The following NEMF variants were observed in gnomAD, a reference collection of about 807,000 sequenced individuals.
The protein encoded by NEMF is ribosome quality control complex subunit NEMF.
NEMF carries 89 observed loss-of-function variants against 162.2 expected under a neutral mutation model. That is an observed-to-expected ratio of 0.55 (90% CI 0.46 to 0.65). NEMF has a LOEUF of 0.65. NEMF is among the 30% of genes least tolerant of loss of function. The pLI is 0.00. For missense variants in NEMF, 1,133 were observed against 1,261.9 expected, an observed-to-expected ratio of 0.90 and a Z score of 1.55; for synonymous variants, 421 against 404.5, an observed-to-expected ratio of 1.04 and a Z score of -0.49.
chr14:49,788,446 T>C (rs1890282477), intron 28 of NEMF, among the ~76,000 whole-genome samples: 1 of 152,108 alleles, frequency 6.6e-6, no homozygotes, highest in Non-Finnish European at 1.5e-5. Flanking sequence ...AATGGTGTAC[T>C]CATTTTCAAC....
intron 15 of NEMF, among the ~76,000 whole-genome samples, chr14:49,827,070 G>A (rs1892389354): frequency 6.6e-6 from 1 of 152,202 alleles, no homozygotes; most frequent in Admixed American, 6.5e-5. Flanking sequence ...GAATGCAGGT[G>A]TTGAGGTCAG....
At position 49,833,512 on chromosome 14, in the gene NEMF, A is replaced by G. The variant is rs200062011; in HGVS notation, c.662-16T>C. 4.0e-6 allele frequency: 6 copies of G among 1,517,896 alleles called. No individual in the cohort carries two copies. Among genetic ancestry groups the G allele is most frequent in the East Asian group, 2.3e-5 (1 of 43,880 alleles). 94.0% of individuals were successfully genotyped at this position (1,517,896 alleles called of 1,614,324 possible). A position where few individuals can be genotyped will look rare whatever the true frequency, so the allele number is the denominator to read the frequency against. ...TTTTCAATATCTAATGGTGGGGGAAAAAAAGGAAAAAAGGAGTGCCAATCA... is the reference window on the plus strand; with the variant it reads ...TTTTCAATATCTAATGGTGGGGGAAGAAAAGGAAAAAAGGAGTGCCAATCA... On this transcript the variant is annotated splice_polypyrimidine_tract_variant and intron_variant, in intron 7 of 32. Coordinates refer to ENST00000298310, the MANE Select transcript of NEMF (RefSeq NM_004713.6).
At chr14:49,831,446 CT>C (rs1238745730) in intron 10 of NEMF, 85 bp from the exon 11 acceptor site, 463 of 637,710 alleles carry the variant, frequency 7.3e-4, no homozygotes, top group Middle Eastern at 1.3e-3. Flanking sequence ...TTTTTTTTTT[CT>C]TTTTTTTTGA....
intron 7 of NEMF, chr14:49,834,021 G>A: frequency 2.4e-6 from 1 of 410,476 alleles, no homozygotes; most frequent in South Asian, 2.0e-5. Context: ...CACTGATTTA[G>A]TATATTGCAG....
intron 3 of NEMF, among the ~76,000 whole-genome samples, chr14:49,850,084 G>A (rs1893697070): frequency 6.6e-6 from 1 of 152,106 alleles, no homozygotes; most frequent in African/African-American, 2.4e-5. Flanking sequence ...GTTCTAATAT[G>A]TGTCAGGTAT....
intron 18 of NEMF, among the ~76,000 whole-genome samples, chr14:49,806,416 A>G (rs1405487310): frequency 6.7e-6 from 1 of 149,500 alleles, no homozygotes; most frequent in Non-Finnish European, 1.5e-5. Context: ...GCCCGCCACC[A>G]TGCCCGGCTA....
At chr14:49,797,124 G>C (rs537708207) in intron 25 of NEMF, among the ~76,000 whole-genome samples, 1 of 152,152 alleles carries the variant, frequency 6.6e-6, no homozygotes, top group Non-Finnish European at 1.5e-5. Context: ...TGTATACTCA[G>C]TAAGTATCTA....
At chr14:49,842,588 A>T (rs1229982862) in intron 4 of NEMF, among the ~76,000 whole-genome samples, 1 of 152,260 alleles carries the variant, frequency 6.6e-6, no homozygotes, top group Non-Finnish European at 1.5e-5. Flanking sequence ...ATAGTCACAG[A>T]ATACGGTGGG....
chr14:49,849,268 G>GA (rs1893659778), intron 3 of NEMF, among the ~76,000 whole-genome samples: 1 of 152,158 alleles, frequency 6.6e-6, no homozygotes, highest in African/African-American at 2.4e-5. Context: ...AGGCATCATT[G>GA]AAAGGACAGA....
chr14:49,786,924 T>C (rs1890205362), intron 28 of NEMF, 174 bp from the exon 29 acceptor site: 1 of 572,400 alleles, frequency 1.7e-6, no homozygotes, highest in Non-Finnish European at 3.1e-6. Context: ...GATTCGTATA[T>C]GTGTTTGTGT....
At chr14:49,820,075 C>G (rs949617351) in intron 16 of NEMF, 2 of 179,130 alleles carry the variant, frequency 1.1e-5, no homozygotes, top group African/African-American at 4.8e-5. Context: ...CCTCAGCCAC[C>G]CGAGTAGCTT....
At chr14:49,838,079 A>G in intron 6 of NEMF, 60 bp downstream of exon 6, 1 of 1,287,114 alleles carries the variant, frequency 7.8e-7, no homozygotes, top group Non-Finnish European at 1.1e-6. Context: ...AGATTTCAAT[A>G]TATTCCTGAA....
chr14:49,836,276 C>T (rs1323176676), intron 6 of NEMF, among the ~76,000 whole-genome samples: 1 of 151,598 alleles, frequency 6.6e-6, no homozygotes, highest in African/African-American at 2.4e-5. Context: ...GAGATTGTCT[C>T]AAATAATAGT....
At chr14:49,796,142 A>G (rs1308192679) in intron 25 of NEMF, 198 bp from the exon 26 acceptor site, 5 of 610,134 alleles carry the variant, frequency 8.2e-6, no homozygotes, top group Non-Finnish European at 1.2e-5. Context: ...TTCATCTCTC[A>G]TGGATTTATC....
rs1197231795 is a variant in NEMF, at chr14:49,799,637, G to A, written c.2414C>T (p.Ser805Phe). Reference protein sequence around the residue: ...KLASKEESSNSSDSKSQSRRH... With the variant: ...KLASKEESSNFSDSKSQSRRH... ...TTCATAAAACTGAAAATAGCTTACAGAATTAGAAGATTCCTCTTTTGAAGC... is the reference window on the plus strand; with the variant it reads ...TTCATAAAACTGAAAATAGCTTACAAAATTAGAAGATTCCTCTTTTGAAGC... The change falls in exon 24 of 33, where the codon TCT (serine) becomes TTT (phenylalanine). Residue 805 changes from serine to phenylalanine, a missense_variant and splice_region_variant. Physicochemically the swap from Ser to Phe is radical, Grantham distance 155 (BLOSUM62 -2). Transcript: ENST00000298310. 6.2e-7 allele frequency: 1 copy of A among 1,610,266 alleles called. No homozygotes were observed. The highest frequency in any genetic ancestry group is 1.1e-5 in the South Asian group (1 of 89,982).
intron 22 of NEMF, among the ~76,000 whole-genome samples, chr14:49,801,853 A>T (rs1460521283): frequency 4.6e-5 from 7 of 152,164 alleles, no homozygotes; most frequent in African/African-American, 1.4e-4. Flanking sequence ...CATTTACCCG[A>T]GTCTACCTTT....
Position 49,783,528 on chromosome 14 carries a change from A to G in NEMF, c.*1108T>C, listed in dbSNP as rs1185854831. On this transcript the variant is annotated 3_prime_UTR_variant, in exon 33 of 33. Coordinates refer to ENST00000298310, the MANE Select transcript of NEMF (RefSeq NM_004713.6). Reference sequence around the variant, plus strand: ...CAGGCAGGTGCTGTCCAGTCAATTAAAAAGTTTTTTTTTAATTAATAGGTT... The same window carrying G: ...CAGGCAGGTGCTGTCCAGTCAATTAGAAAGTTTTTTTTTAATTAATAGGTT... 1 of 152,132 alleles carries G rather than the reference A, an allele frequency of 6.6e-6. No individual in the cohort carries two copies. The highest frequency in any genetic ancestry group is 2.4e-5 in the African/African-American group (1 of 41,432). The allele number at this position is 152,132 out of a possible 1,614,324, so 9.4% of individuals were successfully genotyped here. A position where few individuals can be genotyped will look rare whatever the true frequency, so the allele number is the denominator to read the frequency against.
intron 16 of NEMF, among the ~76,000 whole-genome samples, chr14:49,822,867 T>C (rs545641211): frequency 5.9e-5 from 9 of 151,618 alleles, no homozygotes; most frequent in African/African-American, 2.2e-4. Flanking sequence ...TGTGGTGTGG[T>C]AGGGGGACTG....
At chr14:49,805,969 G>A in intron 19 of NEMF, 52 bp downstream of exon 19, 2 of 1,206,844 alleles carry the variant, frequency 1.7e-6, no homozygotes, top group Admixed American at 2.0e-5. Context: ...CTCAAAATTT[G>A]GCACACAGTA....
Sources: allele counts gnomAD v4.1 joint callset (sites outside exome capture counted in the v4.1 genomes callset), GRCh38; gene constraint gnomAD v4.1.1; transcripts MANE v1.5; gene names NCBI Gene and HGNC (gene_info 2026-07-23, HGNC 2026-07-21).